The following FMR1 variants were observed in gnomAD, a reference collection of about 807,000 sequenced individuals.
The protein encoded by FMR1 is FMRP translational regulator 1.
In FMR1, 13 loss-of-function variants were observed where a neutral mutation model predicts 50.6. The ratio of observed to expected loss-of-function variants is 0.26; its 90% CI spans 0.17 to 0.41. FMR1 has a LOEUF of 0.41. Ranked by LOEUF, FMR1 falls within the 10% of genes least tolerant of loss-of-function variation. The probability of loss-of-function intolerance (pLI) is 1.00; values close to 1 mark genes in which losing one functional copy is unlikely to be tolerated. For missense variants in FMR1, 316 were observed against 491.3 expected (o/e 0.64, Z 3.37); for synonymous variants, 138 against 164.1 (o/e 0.84, Z 1.22).
At chrX:147,935,519 G>T (rs1557179523) in intron 9 of FMR1, among the ~76,000 whole-genome samples, 1 of 112,282 alleles carries the variant, frequency 8.9e-6, no homozygotes, top group East Asian at 2.8e-4. Flanking sequence ...TGGTGGATGT[G>T]GCCAATGTAA....
rs191064825 is a variant in FMR1, at chrX:147,919,083, C to G, written c.52-2850C>G. On this transcript the variant is annotated intron_variant, in intron 1 of 16. Transcript: ENST00000370475. ...TACAGTAAGGAACTAATGTTAATTA[C>G]TGCCAAGATGTATAAACATTATGAA... Among the ~76,000 whole-genome samples the G allele has an allele frequency of 7.2e-5, 8 of 111,640 alleles. No individual in the cohort carries two copies. In the East Asian group the frequency reaches 2.3e-3, roughly 31 times the overall value.
chrX:147,922,074 G>T, intron 2 of FMR1, 89 bp downstream of exon 2: 1 of 572,363 alleles, frequency 1.7e-6, no homozygotes, highest in Non-Finnish European at 2.9e-6. Context: ...TTCAAGTCCA[G>T]TTTGAGTGCT....
rs1362839535 is a variant in FMR1, at chrX:147,912,123, C to T, written c.-57C>T. ...GCGGCGGCGGCGGCTGGGCCTCGAGCGCCCGCAGCCCACCTCTCGGGGGCG... is the reference window on the plus strand; with the variant it reads ...GCGGCGGCGGCGGCTGGGCCTCGAGTGCCCGCAGCCCACCTCTCGGGGGCG... On this transcript the variant is annotated 5_prime_UTR_variant, in exon 1 of 17. Transcript: ENST00000370475. 13 of 909,026 alleles carry T rather than the reference C, an allele frequency of 1.4e-5. No homozygotes were observed. In the Admixed American group the frequency reaches 4.5e-4, roughly 31 times the overall value. 74.9% of individuals were successfully genotyped at this position (909,026 alleles called of 1,213,427 possible). A position where few individuals can be genotyped will look rare whatever the true frequency, so the allele number is the denominator to read the frequency against.
chrX:147,921,387 C>T (rs1406483781), intron 1 of FMR1, among the ~76,000 whole-genome samples: 1 of 110,902 alleles, frequency 9.0e-6, no homozygotes, highest in Non-Finnish European at 1.9e-5. Flanking sequence ...CTTAATTCAA[C>T]TCTAGTAACT....
At chrX:147,929,749 GA>G (rs2043525627) in intron 5 of FMR1, among the ~76,000 whole-genome samples, 198 bp from the exon 6 acceptor site, 1 of 111,328 alleles carries the variant, frequency 9.0e-6, no homozygotes. Flanking sequence ...TGGTTCCCCT[GA>G]ATATGTCTCT....
intron 1 of FMR1, among the ~76,000 whole-genome samples, chrX:147,916,452 T>A (rs1557175234): frequency 9.0e-6 from 1 of 111,181 alleles, no homozygotes; most frequent in African/African-American, 3.3e-5. Flanking sequence ...GGGGACAAAA[T>A]GATAACTTGC....
intron 9 of FMR1, among the ~76,000 whole-genome samples, chrX:147,936,063 C>T (rs2043777913): frequency 8.9e-6 from 1 of 112,260 alleles, no homozygotes; most frequent in Non-Finnish European, 1.9e-5. Context: ...AAATCAGGTA[C>T]AGACAAGAAT....
chrX:147,941,708 G>A (rs376061428), intron 13 of FMR1, among the ~76,000 whole-genome samples: 2 of 358 alleles, frequency 5.6e-3, no homozygotes, highest in Non-Finnish European at 0.011. Context: ...TAATCTCTCT[G>A]TGTGTGTGTC....
Position 147,944,918 on chromosome X carries a change from A to G in FMR1, c.1521A>G (p.Arg507=). 1 of 1,209,392 alleles carries G rather than the reference A, an allele frequency of 8.3e-7. No homozygotes were observed. The highest frequency in any genetic ancestry group is 1.1e-6 in the Non-Finnish European group (1 of 894,676). ...CTTCTGAAACAGAATCTGACCACAG[A>G]GACGAACTCAGTGATTGGTCATTAG... The part of the protein sequence containing the change: ...SNASETESDH[R]DELSDWSLAP... Residue 507 remains arginine, a synonymous_variant, in exon 15 of 17, where the codon AGA becomes AGG. Coordinates refer to ENST00000370475, the MANE Select transcript of FMR1 (RefSeq NM_002024.6).
intron 15 of FMR1, 137 bp from the exon 16 acceptor site, chrX:147,945,397 G>C (rs2044139887): frequency 1.9e-6 from 1 of 536,370 alleles, no homozygotes; most frequent in East Asian, 3.6e-5. Context: ...ATTAGCCATT[G>C]TGTAACTGGA....
rs1276077625 is a variant in FMR1, at chrX:147,936,628, G to A, written c.990+15G>A. On this transcript the variant is annotated intron_variant, in intron 10 of 16. Transcript: ENST00000370475. ...CACAAGAAGAGGTATGTTACAGTGC[G>A]AATATTTTGTGGCACATATAATAAA... 5 of 1,008,708 alleles carry A rather than the reference G, an allele frequency of 5.0e-6. No homozygotes were observed. Among genetic ancestry groups the A allele is most frequent in the East Asian group, 3.0e-5 (1 of 32,870 alleles). The allele number at this position is 1,008,708 out of a possible 1,213,427, so 83.1% of individuals were successfully genotyped here. A position where few individuals can be genotyped will look rare whatever the true frequency, so the allele number is the denominator to read the frequency against.
chrX:147,937,419 TA>T, intron 10 of FMR1, 46 bp from the exon 11 acceptor site: 1 of 870,944 alleles, frequency 1.1e-6, no homozygotes, highest in Non-Finnish European at 1.7e-6. Flanking sequence ...AATAAAGTCT[TA>T]AATTGGTCCT....
At chrX:147,939,902 C>CAA (rs782544831) in intron 12 of FMR1, among the ~76,000 whole-genome samples, 4 of 45,468 alleles carry the variant, frequency 8.8e-5, no homozygotes, top group African/African-American at 2.5e-4. Flanking sequence ...GACCCTGTCT[C>CAA]AAAAAAAAAA....
chrX:147,943,118 A>G lies in FMR1; in HGVS notation c.1276-13A>G, dbSNP rs1183543185. The G allele has an allele frequency of 2.5e-6, 3 of 1,178,203 alleles. No homozygotes were observed. Among genetic ancestry groups the G allele is most frequent in the Non-Finnish European group, 3.5e-6 (3 of 865,062 alleles). ...CAAATTATTTTTACTGTTATCTTGT[A>G]TATTTTAAATAGGAAGTAGACCAGT... On this transcript the variant is annotated splice_polypyrimidine_tract_variant and intron_variant, in intron 13 of 16. Coordinates refer to ENST00000370475, the MANE Select transcript of FMR1 (RefSeq NM_002024.6).
chrX:147,921,445 G>T (rs924931691), intron 1 of FMR1, among the ~76,000 whole-genome samples: 13 of 109,480 alleles, frequency 1.2e-4, no homozygotes, highest in African/African-American at 3.7e-4. Context: ...AGAAAGTTTA[G>T]TATATTTGTG....
intron 9 of FMR1, among the ~76,000 whole-genome samples, chrX:147,934,225 A>G (rs2043709103): frequency 9.1e-6 from 1 of 109,903 alleles, no homozygotes; most frequent in African/African-American, 3.3e-5. Context: ...TTTAATAGCA[A>G]ATGAGTAGAG....
chrX:147,941,912 ATC>A (rs1489096836), intron 13 of FMR1, among the ~76,000 whole-genome samples: 2 of 112,549 alleles, frequency 1.8e-5, no homozygotes, highest in African/African-American at 6.5e-5. Flanking sequence ...TGGGCCTGGC[ATC>A]TCTCACCAAA....
rs1399186579 is a variant in FMR1 at position 147,949,468 on chromosome X, G to A, written c.*624G>A. 1 of 329,507 alleles carries A rather than the reference G, an allele frequency of 3.0e-6. No homozygotes were observed. The highest frequency in any genetic ancestry group is 5.9e-6 in the Non-Finnish European group (1 of 169,942). The allele number at this position is 329,507 out of a possible 1,213,427, so 27.2% of individuals were successfully genotyped here. ...GGAAGATAAGTTGGAAACACTAAAT[G>A]TTAAAGATGTAGCAAACCCTGTCAA... is the stretch of plus-strand genomic sequence containing the variant. On this transcript the variant is annotated 3_prime_UTR_variant, in exon 17 of 17. Transcript: ENST00000370475.
intron 13 of FMR1, among the ~76,000 whole-genome samples, 170 bp from the exon 14 acceptor site, chrX:147,942,961 T>A (rs182056341): frequency 1.8e-5 from 2 of 112,484 alleles, no homozygotes; most frequent in African/African-American, 6.5e-5. Context: ...AGTAATTTTC[T>A]TTTTAAGGAG....
Sources: gnomAD v4.1 joint callset for allele counts (sites outside exome capture counted in the v4.1 genomes callset) on GRCh38, gnomAD v4.1.1 for gene constraint, MANE v1.5 for transcripts, NCBI Gene and HGNC (gene_info 2026-07-23, HGNC 2026-07-21) for gene names.